PAK2: variants seen among roughly 807,000 people sequenced by gnomAD.
The protein encoded by PAK2 is serine/threonine-protein kinase PAK 2.
Under a neutral mutation model 65.9 loss-of-function variants are expected in PAK2, and 21 were observed. That is an observed-to-expected ratio of 0.32 (90% CI 0.23 to 0.46). The LOEUF (loss-of-function observed/expected upper bound fraction) is 0.46. Ranked by LOEUF, PAK2 falls within the 20% of genes least tolerant of loss-of-function variation. PAK2 has a pLI of 1.00. For missense variants in PAK2, 324 were observed against 642.6 expected, an observed-to-expected ratio of 0.50 and a Z score of 5.36; for synonymous variants, 204 against 219.7, an observed-to-expected ratio of 0.93 and a Z score of 0.63.
chr3:196,745,972 A>G (rs1203958671), intron 1 of PAK2, among the ~76,000 whole-genome samples: 2 of 151,926 alleles, frequency 1.3e-5, no homozygotes, highest in Admixed American at 6.6e-5. Context: ...CTATGGTTAC[A>G]ATATTTAACC....
intron 11 of PAK2, among the ~76,000 whole-genome samples, chr3:196,816,918 G>T (rs1391092087): frequency 6.6e-6 from 1 of 152,096 alleles, no homozygotes; most frequent in Non-Finnish European, 1.5e-5. Flanking sequence ...TGTAGATACA[G>T]CTTAATATAA....
chr3:196,751,667 T>TATATATATATATATATATATATA (rs1560089766), intron 1 of PAK2, among the ~76,000 whole-genome samples: 22 of 45,072 alleles, frequency 4.9e-4, no homozygotes, highest in African/African-American at 1.0e-3. Flanking sequence ...ACAAATTTAT[T>TATATATATATATATATATATATA]TATATACATA....
intron 1 of PAK2, among the ~76,000 whole-genome samples, chr3:196,761,021 G>A (rs542270658): frequency 2.7e-4 from 41 of 152,210 alleles, no homozygotes; most frequent in African/African-American, 9.9e-4. Flanking sequence ...TGGAGATCAG[G>A]AGTTCAAGAC....
rs780110686 is a variant in PAK2, at chr3:196,812,171, C to T, written c.774-48C>T. On this transcript the variant is annotated intron_variant, in intron 8 of 14. Transcript: ENST00000327134. Reference sequence around the variant, plus strand: ...GTAAAGTCTTTGGATATTGCAAATGCTAGTGATTTATCAACCTTAAATCTG... The same window carrying T: ...GTAAAGTCTTTGGATATTGCAAATGTTAGTGATTTATCAACCTTAAATCTG... The T allele has an allele frequency of 7.9e-6, 8 of 1,009,414 alleles. No homozygotes were observed. In the South Asian group the frequency reaches 8.9e-5, roughly 11 times the overall value. 62.5% of individuals were successfully genotyped at this position (1,009,414 alleles called of 1,614,324 possible). A position where few individuals can be genotyped will look rare whatever the true frequency, so the allele number is the denominator to read the frequency against.
chr3:196,825,312 T>C (rs896154320), intron 13 of PAK2, among the ~76,000 whole-genome samples: 27 of 151,542 alleles, frequency 1.8e-4, no homozygotes, highest in Non-Finnish European at 3.4e-4. Context: ...TGCCACTGCA[T>C]TCCAGCCTGG....
At chr3:196,789,893 C>A (rs1341617415) in intron 2 of PAK2, among the ~76,000 whole-genome samples, 1 of 152,180 alleles carries the variant, frequency 6.6e-6, no homozygotes, top group Non-Finnish European at 1.5e-5. Flanking sequence ...ATGCGCAGTT[C>A]ACAATAGGGT....
chr3:196,811,284 C>T (rs202116969), intron 8 of PAK2, among the ~76,000 whole-genome samples: 106 of 20,516 alleles, frequency 5.2e-3, no homozygotes, highest in Non-Finnish European at 7.6e-3. Flanking sequence ...CCTCCCTTCC[C>T]TCCCTTCCCT....
At position 196,762,569 on chromosome 3, in the gene PAK2, G is replaced by A. The variant is rs559964730; in HGVS notation, c.-21-20057G>A. On this transcript the variant is annotated intron_variant, in intron 1 of 14. Coordinates refer to ENST00000327134, the MANE Select transcript of PAK2 (RefSeq NM_002577.4). ...GGCGTGGCGGCGCATGCCTGCAATC[G>A]CAGGCACTCGGCAGGCTGAGGCAGG... Among the ~76,000 whole-genome samples, 13 of 149,992 alleles carry A rather than the reference G, an allele frequency of 8.7e-5. 1 individual carries two copies. In the East Asian group the frequency reaches 2.0e-3, roughly 23 times the overall value.
chr3:196,745,818 T>A (rs368250520), intron 1 of PAK2, among the ~76,000 whole-genome samples: 3 of 142,166 alleles, frequency 2.1e-5, no homozygotes, highest in African/African-American at 2.6e-5. Flanking sequence ...CATCTCTAAG[T>A]AAAAAAAAAA....
chr3:196,787,986 G>T (rs1304287844), intron 2 of PAK2, among the ~76,000 whole-genome samples: 1 of 152,246 alleles, frequency 6.6e-6, no homozygotes, highest in African/African-American at 2.4e-5. Flanking sequence ...TCACCCTAGT[G>T]GTTGCCTCTG....
chr3:196,808,390 T>G (rs9845939), intron 7 of PAK2, among the ~76,000 whole-genome samples: 93 of 147,398 alleles, frequency 6.3e-4, no homozygotes, highest in African/African-American at 2.3e-3. Flanking sequence ...GTGAAACCCC[T>G]CCTCTACTAA....
At chr3:196,786,722 C>G (rs113480377) in intron 2 of PAK2, among the ~76,000 whole-genome samples, 2,812 of 152,224 alleles carry the variant, frequency 0.018, 87 homozygotes, top group African/African-American at 0.063. Context: ...TGTCAGGTTT[C>G]CATGTGAGAG....
chr3:196,807,957 CTCT>C (rs778712758), intron 7 of PAK2, 43 bp downstream of exon 7: 141 of 1,561,956 alleles, frequency 9.0e-5, no homozygotes, highest in Non-Finnish European at 1.2e-4. Flanking sequence ...TTGTTCACGG[CTCT>C]TAAAACATTT....
At chr3:196,746,485 A>G (rs1054716029) in intron 1 of PAK2, among the ~76,000 whole-genome samples, 14 of 152,154 alleles carry the variant, frequency 9.2e-5, no homozygotes, top group African/African-American at 3.4e-4. Flanking sequence ...GAATTTATTG[A>G]AAGGTTAGAG....
At chr3:196,817,131 T>G (rs1711506431) in intron 11 of PAK2, among the ~76,000 whole-genome samples, 1 of 151,718 alleles carries the variant, frequency 6.6e-6, no homozygotes, top group Admixed American at 6.6e-5. Context: ...TGTATACCTT[T>G]AGGCATTTAA....
intron 6 of PAK2, among the ~76,000 whole-genome samples, chr3:196,807,121 G>A (rs1390039755): frequency 6.6e-6 from 1 of 152,126 alleles, no homozygotes. Context: ...TCCTAACCAG[G>A]TAAGGGAGAA....
At chr3:196,815,248 T>A (rs1424064207) in intron 11 of PAK2, among the ~76,000 whole-genome samples, 2 of 151,822 alleles carry the variant, frequency 1.3e-5, no homozygotes, top group Admixed American at 1.3e-4. Flanking sequence ...CCTAGCACTT[T>A]GGGAGGCCAA....
chr3:196,825,226 C>T (rs74878481), intron 13 of PAK2, among the ~76,000 whole-genome samples: 1 of 126,512 alleles, frequency 7.9e-6, no homozygotes, highest in Non-Finnish European at 1.7e-5. Flanking sequence ...CATGCCTGTA[C>T]TCCCAGCTAC....
At chr3:196,763,906 C>T (rs1560094951) in intron 1 of PAK2, among the ~76,000 whole-genome samples, 6 of 151,900 alleles carry the variant, frequency 3.9e-5, no homozygotes, top group Non-Finnish European at 1.5e-5. Flanking sequence ...TCATGCCATT[C>T]TCCTGCCTCA....
Sources: gnomAD v4.1 joint callset for allele counts (sites outside exome capture counted in the v4.1 genomes callset) on GRCh38, gnomAD v4.1.1 for gene constraint, MANE v1.5 for transcripts, NCBI Gene and HGNC (gene_info 2026-07-23, HGNC 2026-07-21) for gene names.